The following NWD2 variants were observed in gnomAD, a reference collection of about 807,000 sequenced individuals.
The protein encoded by NWD2 is NACHT and WD repeat domain containing 2, also known as NACHT and WD repeat domain-containing protein 2.
A neutral mutation model predicts 132.7 loss-of-function variants in NWD2; 37 were observed. That is an observed-to-expected ratio of 0.28 (90% CI 0.21 to 0.37). NWD2 has a LOEUF of 0.37. Ranked by LOEUF, NWD2 falls within the 10% of genes least tolerant of loss-of-function variation. NWD2 has a pLI of 1.00. For synonymous variants in NWD2, 705 were observed against 803.0 expected, an observed-to-expected ratio of 0.88 and a Z score of 2.06; for missense variants, 1,592 against 2,122.4, an observed-to-expected ratio of 0.75 and a Z score of 4.91.
intron 1 of NWD2, among the ~76,000 whole-genome samples, chr4:37,286,500 T>C (rs1320293843): frequency 6.6e-6 from 1 of 152,312 alleles, no homozygotes; most frequent in East Asian, 1.9e-4. Flanking sequence ...CAATTTGCAT[T>C]TAAATATGCA....
chr4:37,360,825 G>A (rs558046048), intron 3 of NWD2, among the ~76,000 whole-genome samples: 1 of 152,106 alleles, frequency 6.6e-6, no homozygotes. Flanking sequence ...TAGGGAAGAG[G>A]GGGTTTTCTT....
Position 37,373,877 on chromosome 4 carries a change from T to A in NWD2, c.357+17395T>A, listed in dbSNP as rs187218902. ...AAAGGTGCACTAAGAAGGTAATGTA[T>A]CTGAAAATGGTTTGCCATCAGAAAC... On this transcript the variant is annotated intron_variant, in intron 3 of 6. Coordinates refer to ENST00000309447, the MANE Select transcript of NWD2 (RefSeq NM_001144990.2). 3.4e-3 allele frequency among the ~76,000 whole-genome samples: 525 copies of A among 152,314 alleles called. 2 individuals carry two copies. Among genetic ancestry groups the A allele is most frequent in the African/African-American group, 0.012 (505 of 41,558 alleles).
chr4:37,351,339 T>A (rs1719756931), intron 2 of NWD2, among the ~76,000 whole-genome samples: 1 of 152,226 alleles, frequency 6.6e-6, no homozygotes, highest in African/African-American at 2.4e-5. Context: ...GGCTATTAAT[T>A]ACTGCCTCAA....
chr4:37,437,913 G>A (rs1184519241), intron 5 of NWD2, among the ~76,000 whole-genome samples: 7 of 152,268 alleles, frequency 4.6e-5, no homozygotes, highest in African/African-American at 1.7e-4. Flanking sequence ...TTATAACAGT[G>A]ACATAGATCA....
chr4:37,407,658 G>A (rs1721071529), intron 3 of NWD2, among the ~76,000 whole-genome samples: 1 of 152,230 alleles, frequency 6.6e-6, no homozygotes. Flanking sequence ...ATTCAAGGCA[G>A]CTGCAAAAAG....
At chr4:37,339,432 A>G (rs990890718) in intron 2 of NWD2, among the ~76,000 whole-genome samples, 9 of 152,190 alleles carry the variant, frequency 5.9e-5, no homozygotes, top group African/African-American at 1.9e-4. Context: ...CTTCTCCTAA[A>G]TATACAGCAG....
intron 3 of NWD2, among the ~76,000 whole-genome samples, chr4:37,422,389 C>T (rs1038002574): frequency 2.0e-5 from 3 of 152,170 alleles, no homozygotes; most frequent in Non-Finnish European, 4.4e-5. Context: ...AGCTCTTTTT[C>T]TCCACCCCTG....
intron 3 of NWD2, among the ~76,000 whole-genome samples, chr4:37,411,337 C>G (rs952137355): frequency 3.9e-5 from 6 of 152,158 alleles, no homozygotes; most frequent in Non-Finnish European, 7.4e-5. Flanking sequence ...AAACTACTAT[C>G]GGAGAATACT....
At chr4:37,252,850 T>G (rs1717406303) in intron 1 of NWD2, among the ~76,000 whole-genome samples, 1 of 152,190 alleles carries the variant, frequency 6.6e-6, no homozygotes, top group Non-Finnish European at 1.5e-5. Flanking sequence ...CCCAGAATGT[T>G]TATTTTGCTG....
intron 3 of NWD2, among the ~76,000 whole-genome samples, chr4:37,406,794 G>T (rs1430101474): frequency 6.6e-6 from 1 of 152,194 alleles, no homozygotes; most frequent in Non-Finnish European, 1.5e-5. Flanking sequence ...TACTTGGGAG[G>T]CTGAGGCAGG....
intron 3 of NWD2, among the ~76,000 whole-genome samples, chr4:37,415,952 A>G (rs955154867): frequency 6.6e-6 from 1 of 152,186 alleles, no homozygotes; most frequent in Non-Finnish European, 1.5e-5. Flanking sequence ...CTGATTCCTC[A>G]GTTAAAAAGA....
intron 2 of NWD2, among the ~76,000 whole-genome samples, chr4:37,353,009 A>G (rs1347441376): frequency 6.6e-6 from 1 of 152,000 alleles, no homozygotes; most frequent in Non-Finnish European, 1.5e-5. Flanking sequence ...TCCTTTCCAT[A>G]TTTAATGCTT....
intron 3 of NWD2, among the ~76,000 whole-genome samples, chr4:37,418,384 AT>A (rs1711689740): frequency 1.3e-5 from 2 of 152,130 alleles, no homozygotes; most frequent in Non-Finnish European, 2.9e-5. Flanking sequence ...AGATTATGTA[AT>A]GATGTAGATA....
At position 37,313,792 on chromosome 4, in the gene NWD2, G is replaced by A. The variant is rs1043423893; in HGVS notation, c.152-12144G>A. 4.0e-5 allele frequency among the ~76,000 whole-genome samples: 6 copies of A among 150,902 alleles called. 1 individual carries two copies. The highest frequency in any genetic ancestry group is 1.2e-4 in the African/African-American group (5 of 40,258). ...CAGCTCACTGCAACCTCTGCCTCCC[G>A]GGTTCAAGTGATTCTGCTGCCTCAG... is the stretch of plus-strand genomic sequence containing the variant. On this transcript the variant is annotated intron_variant, in intron 1 of 6. Transcript: ENST00000309447.
At chr4:37,332,176 C>T (rs76574738) in intron 2 of NWD2, among the ~76,000 whole-genome samples, 17,303 of 152,162 alleles carry the variant, frequency 0.11, 1,078 homozygotes, top group East Asian at 0.18. Flanking sequence ...ACTTGGGGTG[C>T]ATGTGAACTA....
At chr4:37,292,135 G>C (rs920155467) in intron 1 of NWD2, among the ~76,000 whole-genome samples, 2 of 152,106 alleles carry the variant, frequency 1.3e-5, no homozygotes, top group Non-Finnish European at 2.9e-5. Context: ...CACTTGTGAG[G>C]TGCATTCCCT....
At chr4:37,296,208 A>C (rs1718485488) in intron 1 of NWD2, among the ~76,000 whole-genome samples, 1 of 152,120 alleles carries the variant, frequency 6.6e-6, no homozygotes, top group South Asian at 2.1e-4. Flanking sequence ...TAGTGTTCCT[A>C]AGGCTGTGGG....
At chr4:37,361,630 T>TCTTGATAACCCTCAGTAACAAGGTTA (rs1171205721) in intron 3 of NWD2, among the ~76,000 whole-genome samples, 2 of 151,940 alleles carry the variant, frequency 1.3e-5, no homozygotes, top group African/African-American at 2.4e-5. Context: ...AAACATTCCT[T>TCTTGATAACCCTCAGTAACAAGGTTA]CTTGATAACC....
chr4:37,349,987 G>T (rs1250463578), intron 2 of NWD2, among the ~76,000 whole-genome samples: 1 of 152,184 alleles, frequency 6.6e-6, no homozygotes, highest in Non-Finnish European at 1.5e-5. Context: ...TCAAAGATCA[G>T]ATGATTGTAG....
Sources: gnomAD v4.1 joint callset for allele counts (sites outside exome capture counted in the v4.1 genomes callset) on GRCh38, gnomAD v4.1.1 for gene constraint, MANE v1.5 for transcripts, NCBI Gene and HGNC (gene_info 2026-07-23, HGNC 2026-07-21) for gene names.